Variants in PLA2G4B observed in about 807,000 individuals in gnomAD.
PLA2G4B encodes cytosolic phospholipase A2 beta.
A neutral mutation model predicts 95.8 loss-of-function variants in PLA2G4B; 122 were observed. That is an observed-to-expected ratio of 1.27 (90% CI 1.10 to 1.48). PLA2G4B has a LOEUF of 1.48. PLA2G4B is among the 40% of genes most tolerant of loss of function. The pLI, the probability that PLA2G4B is intolerant of heterozygous loss-of-function variation, is 0.00. For synonymous variants in PLA2G4B, 518 were observed against 421.5 expected (o/e 1.23, Z -2.80); for missense variants, 1,158 against 996.2 (o/e 1.16, Z -2.19).
Position 41,841,047 on chromosome 15 carries a change from C to G in PLA2G4B, c.352-8C>G, listed in dbSNP as rs1454288569. On this transcript the variant is annotated splice_region_variant and splice_polypyrimidine_tract_variant and intron_variant, in intron 4 of 19. Transcript: ENST00000458483. ...CCCTTTCTAACTTACTTCTGGCTCT[C>G]TTCCCAGGGTGAGGGGCGCCTGGAA... The G allele has an allele frequency of 2.5e-6, 4 of 1,574,912 alleles. No homozygotes were observed. In the African/African-American group the frequency reaches 4.1e-5, roughly 16 times the overall value.
intron 8 of PLA2G4B, 115 bp from the exon 9 acceptor site, chr15:41,842,078 G>T (rs915905699): frequency 1.3e-5 from 20 of 1,563,904 alleles, no homozygotes; most frequent in Non-Finnish European, 8.7e-6. Context: ...GCCCATGCTG[G>T]CCTCCCCTTC....
At chr15:41,847,582 C>T in intron 19 of PLA2G4B, 59 bp downstream of exon 19, 2 of 1,610,276 alleles carry the variant, frequency 1.2e-6, no homozygotes, top group Non-Finnish European at 1.7e-6. Context: ...TCCTCCGTCC[C>T]CTGTGCCTCT....
At position 41,840,025 on chromosome 15, in the gene PLA2G4B, G is replaced by A. The variant is rs1595417673; in HGVS notation, c.10-133G>A. 12 of 978,984 alleles carry A rather than the reference G, an allele frequency of 1.2e-5. No homozygotes were observed. In the East Asian group the frequency reaches 3.2e-4, roughly 26 times the overall value. 60.6% of individuals were successfully genotyped at this position (978,984 alleles called of 1,614,324 possible). ...ATCATGTCTCCTCTTGTTGATTCAGGATTCTGATGAGATGGAGGATGGGCC... is the reference window on the plus strand; with the variant it reads ...ATCATGTCTCCTCTTGTTGATTCAGAATTCTGATGAGATGGAGGATGGGCC... On this transcript the variant is annotated intron_variant, in intron 1 of 19. Coordinates refer to ENST00000458483, the MANE Select transcript of PLA2G4B (RefSeq NM_001114633.2).
chr15:41,840,618 C>G lies in PLA2G4B; in HGVS notation c.177C>G (p.Val59=), dbSNP rs2065410678. Residue 59 remains valine (V), a synonymous_variant, in exon 3 of 20, where the codon GTC becomes GTG. Coordinates refer to ENST00000458483, the MANE Select transcript of PLA2G4B (RefSeq NM_001114633.2). ...CGGTCAAGAACAGCAGTAGCCCTGT[C>G]TGGAACCAGAGCTTTCACTTCAGGA... ...TRTVKNSSSP[V]WNQSFHFRIH... is the part of the protein sequence containing the mutation. The G allele has an allele frequency of 2.5e-6, 4 of 1,614,026 alleles. No individual in the cohort carries two copies. The highest frequency in any genetic ancestry group is 2.2e-5 in the East Asian group (1 of 44,878).
At position 41,843,719 on chromosome 15, in the gene PLA2G4B, G is replaced by T. The variant is rs764092066; in HGVS notation, c.787G>T (p.Glu263Ter). 6.2e-7 allele frequency: 1 copy of T among 1,614,040 alleles called. No homozygotes were observed. Among genetic ancestry groups the T allele is most frequent in the Non-Finnish European group, 8.5e-7 (1 of 1,180,010 alleles). The change falls in exon 11 of 20, where the codon GAG becomes TAG. Residue 263 changes from glutamate to a stop codon, truncating the protein, a stop_gained. Transcript: ENST00000458483. LOFTEE classifies it high-confidence loss of function. The part of the protein sequence containing the change: ...AVRLGFGPCA[E>*]EQAFLSRRKQ... ...GCGACTGGGCTTCGGGCCCTGTGCA[G>T]AGGAGCAGGCCTTCCTGAGCAGGAG...
chr15:41,842,369 T>C, intron 9 of PLA2G4B, 93 bp downstream of exon 9: 1 of 1,575,988 alleles, frequency 6.3e-7, no homozygotes, highest in Non-Finnish European at 8.6e-7. Flanking sequence ...TCTCCGTGGG[T>C]CACACCCTGA....
intron 1 of PLA2G4B, chr15:41,839,920 T>G: frequency 5.7e-6 from 3 of 528,588 alleles, no homozygotes; most frequent in East Asian, 6.1e-5. Context: ...GTGCGATAAA[T>G]GAGTTAATGT....
At chr15:41,845,430 C>T in intron 14 of PLA2G4B, 110 bp downstream of exon 14, 1 of 1,475,294 alleles carries the variant, frequency 6.8e-7, no homozygotes, top group East Asian at 2.3e-5. Context: ...TGAGCCAGGT[C>T]CCGTGCTTTC....
Position 41,846,724 on chromosome 15 carries a change from C to T in PLA2G4B, c.1836C>T (p.Cys612=), listed in dbSNP as rs1277670627. 6.2e-7 allele frequency: 1 copy of T among 1,614,028 alleles called. No homozygotes were observed. The change falls in exon 18 of 20, where the codon TGC becomes TGT. Residue 612 remains cysteine (C), a synonymous_variant. Transcript: ENST00000458483. ...TGACACCCTCGGAGCCCCACCTGTG[C>T]CTGCTGGATGTTGGCTACCTCATCA... ...NQLTPSEPHL[C]LLDVGYLINT... is the part of the protein sequence containing the mutation.
At position 41,845,078 on chromosome 15, in the gene PLA2G4B, G is replaced by C. The variant is rs751430233; in HGVS notation, c.1239+8G>C. The C allele has an allele frequency of 6.3e-7, 1 of 1,596,534 alleles. No individual in the cohort carries two copies. Among genetic ancestry groups the C allele is most frequent in the Admixed American group, 1.7e-5 (1 of 58,304 alleles). ...GCGCTGCTGCATGATGAGGTGCGGG[G>C]GCTGCGGCCTGGGGGCAGAGCCAGG... On this transcript the variant is annotated splice_region_variant and intron_variant, in intron 13 of 19. Transcript: ENST00000458483.
chr15:41,846,280 C>T lies in PLA2G4B; in HGVS notation c.1678C>T (p.Leu560Phe). ...CAGGATAGCTGAGTTTTTCACCGATCTTCTGACGTGGCGTCCACTGGCCCA... is the reference window on the plus strand; with the variant it reads ...CAGGATAGCTGAGTTTTTCACCGATTTTCTGACGTGGCGTCCACTGGCCCA... Reference protein sequence around the residue: ...AGRIAEFFTDLLTWRPLAQAT... With the variant: ...AGRIAEFFTDFLTWRPLAQAT... The change falls in exon 17 of 20, where the codon CTT (leucine) becomes TTT (phenylalanine). Residue 560 changes from leucine (L) to phenylalanine (F), a missense_variant. Coordinates refer to ENST00000458483, the MANE Select transcript of PLA2G4B (RefSeq NM_001114633.2). The T allele has an allele frequency of 6.2e-7, 1 of 1,614,116 alleles. No individual in the cohort carries two copies. Among genetic ancestry groups the T allele is most frequent in the Non-Finnish European group, 8.5e-7 (1 of 1,179,976 alleles).
chr15:41,842,635 C>T (rs761195850), intron 10 of PLA2G4B, 44 bp downstream of exon 10: 1 of 1,603,278 alleles, frequency 6.2e-7, no homozygotes, highest in South Asian at 1.1e-5. Flanking sequence ...TGGAAAACAA[C>T]CAGGGTGCGG....
At chr15:41,845,478 G>T in intron 14 of PLA2G4B, 158 bp downstream of exon 14, 2 of 1,454,662 alleles carry the variant, frequency 1.4e-6, no homozygotes. Context: ...TCAGCCCTTT[G>T]GGAAGGAGGC....
rs985437868 is a variant in PLA2G4B at position 41,840,848 on chromosome 15, T to C, written c.294T>C (p.Asp98=). Residue 98 remains aspartate, a synonymous_variant, in exon 4 of 20, where the codon GAT becomes GAC. Coordinates refer to ENST00000458483, the MANE Select transcript of PLA2G4B (RefSeq NM_001114633.2). ...ACCCTGTGTTGTCAGTACTGTTTGA[T>C]GCGGGGACTCTGCGGGCTGGGGAGT... ...GDDPVLSVLF[D]AGTLRAGEFR... 2 of 1,613,924 alleles carry C rather than the reference T, an allele frequency of 1.2e-6. No individual in the cohort carries two copies. Among genetic ancestry groups the C allele is most frequent in the East Asian group, 2.2e-5 (1 of 44,892 alleles).
chr15:41,841,355 C>T (rs2065429044), intron 6 of PLA2G4B, 82 bp downstream of exon 6: 1 of 1,610,324 alleles, frequency 6.2e-7, no homozygotes. Context: ...AGGCCCACCG[C>T]TGCCTCAGCC....
chr15:41,846,147 A>T, intron 16 of PLA2G4B, 56 bp from the exon 17 acceptor site: 1 of 1,594,574 alleles, frequency 6.3e-7, no homozygotes, highest in Non-Finnish European at 8.6e-7. Context: ...CAGGGTCACC[A>T]CCAAGGTGGG....
intron 8 of PLA2G4B, 31 bp from the exon 9 acceptor site, chr15:41,842,162 T>A (rs746513947): frequency 6.2e-7 from 1 of 1,612,798 alleles, no homozygotes; most frequent in Non-Finnish European, 8.5e-7. Flanking sequence ...AGCGTAAAGA[T>A]TCTTAGGTCT....
At chr15:41,843,621 C>T (rs2065476720) in intron 10 of PLA2G4B, 55 bp from the exon 11 acceptor site, 5 of 1,584,696 alleles carry the variant, frequency 3.2e-6, no homozygotes, top group Non-Finnish European at 4.3e-6. Flanking sequence ...ACCCAGCTTT[C>T]CATTCTCTGG....
Position 41,847,675 on chromosome 15 carries a change from G to A in PLA2G4B, c.2161G>A (p.Ala721Thr). The A allele has an allele frequency of 6.2e-7, 1 of 1,613,636 alleles. No individual in the cohort carries two copies. The highest frequency in any genetic ancestry group is 8.5e-7 in the Non-Finnish European group (1 of 1,180,036). The part of the protein sequence containing the change: ...PGVRRTPEEA[A>T]AGEVNLSSSD... ...GGTCCGGCGGACACCCGAGGAGGCG[G>A]CAGCTGGGGAGGTGAACCTGTCTTC... The change falls in exon 20 of 20, where the codon GCA becomes ACA. Residue 721 changes from alanine to threonine, a missense_variant. Coordinates refer to ENST00000458483, the MANE Select transcript of PLA2G4B (RefSeq NM_001114633.2).
Sources: allele counts gnomAD v4.1 joint callset, GRCh38; gene constraint gnomAD v4.1.1; transcripts MANE v1.5; gene names NCBI Gene and HGNC (gene_info 2026-07-23, HGNC 2026-07-21).